RORA: variants seen among roughly 807,000 people sequenced by gnomAD.
The protein encoded by RORA is nuclear receptor ROR-alpha.
RORA carries 7 observed loss-of-function variants against 69.5 expected under a neutral mutation model. That is an observed-to-expected ratio of 0.10 (90% confidence interval 0.06 to 0.19). The LOEUF is 0.19. Ranked by LOEUF, RORA falls within the 10% of genes least tolerant of loss-of-function variation. RORA has a pLI of 1.00. For missense variants in RORA, 457 were observed against 663.0 expected (o/e 0.69, Z 3.41); for synonymous variants, 261 against 240.8 (o/e 1.08, Z -0.78).
chr15:60,761,591 G>T (rs1001339423), intron 1 of RORA, among the ~76,000 whole-genome samples: 1 of 152,054 alleles, frequency 6.6e-6, no homozygotes, highest in African/African-American at 2.4e-5. Flanking sequence ...TTGCAAAAAT[G>T]GCTCACTTAC....
chr15:60,491,385 G>A lies in RORA; in HGVS notation c.*6070C>T, dbSNP rs1304335035. On this transcript the variant is annotated 3_prime_UTR_variant, in exon 11 of 11. Transcript: ENST00000335670. ...AGAAGGATGAAAGTAAAAGAAGTGT[G>A]GTACTGCTAATGTGGCAAAGTACAT... The A allele has an allele frequency of 6.6e-6, 1 of 152,000 alleles. No individual in the cohort carries two copies. Among genetic ancestry groups the A allele is most frequent in the African/African-American group, 2.4e-5 (1 of 41,364 alleles). 9.4% of individuals were successfully genotyped at this position (152,000 alleles called of 1,614,324 possible). A position where few individuals can be genotyped will look rare whatever the true frequency, so the allele number is the denominator to read the frequency against.
At chr15:60,741,729 G>A (rs1041248747) in intron 1 of RORA, among the ~76,000 whole-genome samples, 9 of 152,198 alleles carry the variant, frequency 5.9e-5, no homozygotes, top group Admixed American at 3.9e-4. Context: ...AGTTGGTCAA[G>A]GAGGTGCAGC....
intron 5 of RORA, among the ~76,000 whole-genome samples, chr15:60,506,505 A>G (rs898919894): frequency 6.6e-6 from 1 of 152,222 alleles, no homozygotes; most frequent in African/African-American, 2.4e-5. Flanking sequence ...ATAATAAGGT[A>G]TAAAGTTGAA....
At chr15:61,172,803 A>C (rs2079597130) in intron 1 of RORA, among the ~76,000 whole-genome samples, 1 of 152,112 alleles carries the variant, frequency 6.6e-6, no homozygotes, top group African/African-American at 2.4e-5. Flanking sequence ...GCTTAAGTCT[A>C]AGGGTCCCCT....
At chr15:61,024,588 C>T (rs1895706237) in intron 1 of RORA, among the ~76,000 whole-genome samples, 1 of 151,454 alleles carries the variant, frequency 6.6e-6, no homozygotes, top group South Asian at 2.1e-4. Context: ...GTAGCTGGGA[C>T]CACAGGCATG....
In RORA at chr15:60,537,237, C is replaced by T. The variant is rs1303104711; in HGVS notation, c.197-5386G>A. Among the ~76,000 whole-genome samples, 5 of 152,198 alleles carry T rather than the reference C, an allele frequency of 3.3e-5. No individual in the cohort carries two copies. The highest frequency in any genetic ancestry group is 5.9e-5 in the Non-Finnish European group (4 of 68,036). Reference sequence around the variant, plus strand: ...CAGGCTTCTAGAATTTTGTGGCCCCCTTGTTTCAGGGCTTCTAAAGATGGT... The same window carrying T: ...CAGGCTTCTAGAATTTTGTGGCCCCTTTGTTTCAGGGCTTCTAAAGATGGT... On this transcript the variant is annotated intron_variant, in intron 2 of 10. Transcript: ENST00000335670. This position sits in a 1 kb window ranked among gnomAD's most constrained non-coding sequence, Gnocchi z 4.9.
At chr15:60,560,124 A>G (rs2067487914) in intron 2 of RORA, among the ~76,000 whole-genome samples, 1 of 152,160 alleles carries the variant, frequency 6.6e-6, no homozygotes, top group Admixed American at 6.5e-5. Context: ...GCTCCCTATG[A>G]GATTGTATTA....
chr15:60,573,225 G>A (rs908396366), intron 2 of RORA, among the ~76,000 whole-genome samples: 4 of 152,282 alleles, frequency 2.6e-5, no homozygotes, highest in Non-Finnish European at 5.9e-5. Context: ...TTCTGGCAGC[G>A]TTAAGCCAAA....
intron 2 of RORA, among the ~76,000 whole-genome samples, chr15:60,575,525 GAGTAT>G (rs1363483453): frequency 6.6e-6 from 1 of 152,066 alleles, no homozygotes. Context: ...TCAGTACTGA[GAGTAT>G]ATGATTTACA....
intron 1 of RORA, among the ~76,000 whole-genome samples, chr15:61,186,743 A>T (rs148558774): frequency 6.6e-6 from 1 of 151,856 alleles, no homozygotes; most frequent in African/African-American, 2.4e-5. Context: ...TTTTCCAAGA[A>T]GCCCCCACTC....
chr15:61,155,211 C>T lies in RORA; in HGVS notation c.166+73842G>A, dbSNP rs762320102. Among the ~76,000 whole-genome samples the T allele has an allele frequency of 1.7e-3, 252 of 151,792 alleles. 3 individuals are homozygous for T. Among genetic ancestry groups the T allele is most frequent in the Middle Eastern group, 3.4e-3 (1 of 294 alleles). On this transcript the variant is annotated intron_variant, in intron 1 of 10. Transcript: ENST00000335670. ...TGCATTAAAACATCACACTGTGTCC[C>T]GTAAATATGTACATTATGTGTCACC...
At chr15:61,185,393 C>T (rs937298896) in intron 1 of RORA, among the ~76,000 whole-genome samples, 4 of 84,514 alleles carry the variant, frequency 4.7e-5, no homozygotes, top group African/African-American at 1.5e-4. Context: ...GATCTCTATA[C>T]GGCTACTCAA....
intron 1 of RORA, among the ~76,000 whole-genome samples, chr15:61,195,702 A>C (rs1231648577): frequency 2.6e-5 from 4 of 152,162 alleles, no homozygotes; most frequent in Non-Finnish European, 5.9e-5. Context: ...ATTTATAAGA[A>C]GCTTACCTAG....
At chr15:60,826,914 G>A (rs2140385916) in intron 1 of RORA, among the ~76,000 whole-genome samples, 1 of 152,010 alleles carries the variant, frequency 6.6e-6, no homozygotes, top group South Asian at 2.1e-4. Flanking sequence ...GTATATAATT[G>A]GAGTCTGGAA....
intron 2 of RORA, among the ~76,000 whole-genome samples, chr15:60,673,516 C>T (rs146811447): frequency 4.1e-4 from 63 of 152,296 alleles, no homozygotes; most frequent in African/African-American, 1.3e-3. Flanking sequence ...AGATGAGCAG[C>T]GGGGATAGGT....
At chr15:60,869,698 T>C (rs1454305027) in intron 1 of RORA, among the ~76,000 whole-genome samples, 2 of 152,200 alleles carry the variant, frequency 1.3e-5, no homozygotes, top group Non-Finnish European at 2.9e-5. Flanking sequence ...CCCAGACTTC[T>C]AGGATCGAAA....
Position 61,148,148 on chromosome 15 carries a change from C to G in RORA, c.166+80905G>C, listed in dbSNP as rs1259889347. ...GGAATCTGAGTGACATCAGCGGCAA[C>G]ATGGGGCTAAAAGAGGAGCCACTGA... On this transcript the variant is annotated intron_variant, in intron 1 of 10. Coordinates refer to ENST00000335670, the MANE Select transcript of RORA (RefSeq NM_134261.3). 2.0e-5 allele frequency among the ~76,000 whole-genome samples: 3 copies of G among 152,306 alleles called. No individual in the cohort carries two copies. In the East Asian group the frequency reaches 5.8e-4, roughly 29 times the overall value.
rs1567115373 is a variant in RORA at position 60,597,581 on chromosome 15, T to C, written c.197-65730A>G. On this transcript the variant is annotated intron_variant, in intron 2 of 10. Transcript: ENST00000335670. ...ATATATATATATATATATACACATATATATATATATATACACATATATATA... is the reference window on the plus strand; with the variant it reads ...ATATATATATATATATATACACATACATATATATATATACACATATATATA... Among the ~76,000 whole-genome samples the C allele has an allele frequency of 2.4e-3, 50 of 20,990 alleles. 1 individual carries two copies. The highest frequency in any genetic ancestry group is 5.5e-3 in the South Asian group (2 of 364). 13.8% of individuals were successfully genotyped at this position (20,990 alleles called of 152,430 possible). A position where few individuals can be genotyped will look rare whatever the true frequency, so the allele number is the denominator to read the frequency against.
intron 2 of RORA, among the ~76,000 whole-genome samples, chr15:60,553,533 A>C (rs2067278861): frequency 6.6e-6 from 1 of 152,222 alleles, no homozygotes; most frequent in Non-Finnish European, 1.5e-5. Context: ...TTAGCTCTGC[A>C]ACTAACTGGT....
Sources: gnomAD v4.1 joint callset for allele counts (sites outside exome capture counted in the v4.1 genomes callset) on GRCh38, gnomAD v4.1.1 for gene constraint, Gnocchi (gnomAD v3.1) non-coding constraint, MANE v1.5 for transcripts, NCBI Gene and HGNC (gene_info 2026-07-23, HGNC 2026-07-21) for gene names.